The following ACOT12 variants were observed in gnomAD, a reference collection of about 807,000 sequenced individuals.
ACOT12 encodes acetyl-coenzyme A thioesterase.
A neutral mutation model predicts 67.7 loss-of-function variants in ACOT12; 51 were observed. The ratio of observed to expected loss-of-function variants is 0.75; its 90% CI spans 0.60 to 0.95. The LOEUF (loss-of-function observed/expected upper bound fraction) is 0.95, where lower values mean the gene tolerates loss of function less well. Ranked by LOEUF, ACOT12 falls within the 40% of genes least tolerant of loss-of-function variation. The pLI is 0.00. For synonymous variants in ACOT12, 251 were observed against 244.6 expected (o/e 1.03, Z -0.24); for missense variants, 734 against 708.1 (o/e 1.04, Z -0.41).
At chr5:81,376,921 C>T (rs552121770) in intron 2 of ACOT12, among the ~76,000 whole-genome samples, 51 of 152,250 alleles carry the variant, frequency 3.3e-4, no homozygotes, top group Admixed American at 8.5e-4. Flanking sequence ...CAAAGAGGAG[C>T]TGGTACCATT....
rs774015295 is a variant in ACOT12 at position 81,371,757 on chromosome 5, C to T, written c.251G>A (p.Ser84Asn). ...TGAAAAGGTGCCTCTTACCTCCATG[C>T]TTGTGCTGAATGCTCTAGTAACTTT... is the stretch of plus-strand genomic sequence containing the variant. ...KAKVTRAFST[S>N]MEISIKVMVQ... Residue 84 changes from serine (S) to asparagine (N), a missense_variant, in exon 3 of 15, where the codon AGC becomes AAC. Physicochemically the swap from Ser to Asn is conservative, Grantham distance 46. Coordinates refer to ENST00000307624, the MANE Select transcript of ACOT12 (RefSeq NM_130767.3). 1 of 1,614,100 alleles carries T rather than the reference C, an allele frequency of 6.2e-7. No homozygotes were observed. The highest frequency in any genetic ancestry group is 1.7e-5 in the Admixed American group (1 of 60,016).
chr5:81,309,057 A>G, the ACOT12 span: 18 of 1,562,558 alleles, frequency 1.2e-5, no homozygotes, highest in Non-Finnish European at 1.3e-5. Flanking sequence ...TGTTACCCTC[A>G]TATAGCAGAA....
intron 2 of ACOT12, among the ~76,000 whole-genome samples, chr5:81,382,512 A>G (rs72771197): frequency 0.14 from 21,250 of 152,158 alleles, 1,877 homozygotes; most frequent in African/African-American, 0.24. Flanking sequence ...GAATAATAAC[A>G]TTGCCCAGGC....
chr5:81,328,387 T>G (rs1461142358), downstream of ACOT12, among the ~76,000 whole-genome samples: 4 of 152,252 alleles, frequency 2.6e-5, no homozygotes, highest in Admixed American at 2.6e-4. Flanking sequence ...GCCTAAGATG[T>G]GTCTAGCACA....
At chr5:81,318,063 A>G in the ACOT12 span, among the ~76,000 whole-genome samples, 7 of 151,940 alleles carry the variant, frequency 4.6e-5, no homozygotes, top group African/African-American at 1.5e-4. Context: ...ATGTATTTTT[A>G]GTAGAGACAG....
At chr5:81,348,009 A>G in intron 5 of ACOT12, 79 bp from the exon 6 acceptor site, 1 of 1,455,026 alleles carries the variant, frequency 6.9e-7, no homozygotes, top group Non-Finnish European at 9.3e-7. Context: ...TCCCGGCAGT[A>G]CATTCAACTC....
chr5:81,362,438 T>C (rs764935777), intron 4 of ACOT12, among the ~76,000 whole-genome samples: 1 of 152,172 alleles, frequency 6.6e-6, no homozygotes, highest in Non-Finnish European at 1.5e-5. Context: ...ATTGCTGGGA[T>C]TACAGGCATG....
chr5:81,393,867 C>A (rs894256985), intron 1 of ACOT12, 121 bp downstream of exon 1: 33 of 1,112,052 alleles, frequency 3.0e-5, no homozygotes, highest in Non-Finnish European at 3.5e-5. Context: ...CTATCCCTGG[C>A]TGCGCAGGGT....
chr5:81,381,191 C>G (rs536105515), intron 2 of ACOT12, among the ~76,000 whole-genome samples: 1 of 152,014 alleles, frequency 6.6e-6, no homozygotes, highest in Non-Finnish European at 1.5e-5. Flanking sequence ...CTCAGCTTCC[C>G]GAATAGCTGG....
chr5:81,336,861 C>G (rs1759019678), intron 11 of ACOT12, among the ~76,000 whole-genome samples: 1 of 152,078 alleles, frequency 6.6e-6, no homozygotes, highest in Non-Finnish European at 1.5e-5. Flanking sequence ...TAAATATCAT[C>G]AATAAGAGAA....
Position 81,347,866 on chromosome 5 carries a change from T to G in ACOT12, c.561A>C (p.Glu187Asp), listed in dbSNP as rs1425358380. 6.2e-7 allele frequency: 1 copy of G among 1,614,092 alleles called. No homozygotes were observed. The highest frequency in any genetic ancestry group is 1.7e-5 in the Admixed American group (1 of 60,014). The change falls in exon 6 of 15, where the codon GAA becomes GAC. Residue 187 changes from glutamate to aspartate, a missense_variant. Glu to Asp is a conservative substitution (Grantham distance 45). Transcript: ENST00000307624. ...GGTTTGCATGGGGTGGGAGGACCAG[T>G]TCAATGCTCTGAACGGAGGTGCCCC... ...STRGTSVQSI[E>D]LVLPPHANHH...
intron 1 of ACOT12, among the ~76,000 whole-genome samples, chr5:81,388,465 G>A (rs1760786393): frequency 6.6e-6 from 1 of 152,192 alleles, no homozygotes; most frequent in South Asian, 2.1e-4. Flanking sequence ...AAACCCTAAA[G>A]CTGTTTCTGA....
intron 11 of ACOT12, among the ~76,000 whole-genome samples, chr5:81,337,340 C>G (rs1385895587): frequency 6.6e-6 from 1 of 152,146 alleles, no homozygotes; most frequent in East Asian, 1.9e-4. Flanking sequence ...GAGTGGGATG[C>G]AATATTGTGC....
At chr5:81,323,083 GAAAAAAAAA>G in the ACOT12 span, among the ~76,000 whole-genome samples, 1 of 104,070 alleles carries the variant, frequency 9.6e-6, no homozygotes, top group African/African-American at 3.3e-5. Flanking sequence ...ATAGCAAAAA[GAAAAAAAAA>G]AAAAAAAAAC....
chr5:81,393,674 G>T (rs1350245247), intron 1 of ACOT12, among the ~76,000 whole-genome samples: 1 of 151,904 alleles, frequency 6.6e-6, no homozygotes, highest in Non-Finnish European at 1.5e-5. Flanking sequence ...CTCTGATGGC[G>T]CCACCGCTCT....
At position 81,342,710 on chromosome 5, in the gene ACOT12, C is replaced by A. The variant is rs560641833; in HGVS notation, c.1090G>T (p.Ala364Ser). 1 of 1,614,154 alleles carries A rather than the reference C, an allele frequency of 6.2e-7. No homozygotes were observed. The highest frequency in any genetic ancestry group is 2.2e-5 in the East Asian group (1 of 44,880). Reference protein sequence around the residue: ...SNVEALKKLAAKRGWEVTSTV... With the variant: ...SNVEALKKLASKRGWEVTSTV... ...CTGGTAACCTCCCAACCCCTTTTGG[C>A]TGCCAGTTTTTTGAGGGCCTCCACA... Residue 364 changes from alanine to serine, a missense_variant, in exon 11 of 15, where the codon GCC becomes TCC. Transcript: ENST00000307624.
intron 4 of ACOT12, among the ~76,000 whole-genome samples, chr5:81,361,093 A>AC (rs1401110790): frequency 1.3e-5 from 2 of 151,252 alleles, no homozygotes; most frequent in Admixed American, 1.3e-4. Context: ...AAAAAAAAAA[A>AC]AAAAAAGAAA....
Position 81,342,727 on chromosome 5 carries a change from G to C in ACOT12, c.1073C>G (p.Ala358Gly). The C allele has an allele frequency of 6.2e-7, 1 of 1,614,078 alleles. No homozygotes were observed. The highest frequency in any genetic ancestry group is 2.2e-5 in the East Asian group (1 of 44,876). Residue 358 changes from alanine (A) to glycine (G), a missense_variant, in exon 11 of 15, where the codon GCC becomes GGC. By Grantham distance (60) the Ala-to-Gly change is moderately conservative. Transcript: ENST00000307624. ...QASLSDSNVE[A>G]LKKLAAKRGW... ...CCTTTTGGCTGCCAGTTTTTTGAGG[G>C]CCTCCACATTGCTGTCACTCAGGGA...
the ACOT12 span, chr5:81,309,081 G>A: frequency 6.5e-4 from 930 of 1,419,984 alleles, 10 homozygotes; most frequent in East Asian, 0.019. Context: ...GTGAGTCATC[G>A]TGCAGTTGTG....
Sources: allele counts gnomAD v4.1 joint callset (sites outside exome capture counted in the v4.1 genomes callset), GRCh38; gene constraint gnomAD v4.1.1; transcripts MANE v1.5; gene names NCBI Gene and HGNC (gene_info 2026-07-23, HGNC 2026-07-21).